The following RINL variants were observed in gnomAD, a reference collection of about 807,000 sequenced individuals.
RINL encodes ras and Rab interactor-like protein.
RINL carries 39 observed loss-of-function variants against 58.1 expected under a neutral mutation model. The ratio of observed to expected loss-of-function variants is 0.67; its 90% CI spans 0.52 to 0.88. The LOEUF (loss-of-function observed/expected upper bound fraction) is 0.88, where lower values mean the gene tolerates loss of function less well. Ranked by LOEUF, RINL falls within the 40% of genes least tolerant of loss-of-function variation. The pLI is 0.00. For missense variants in RINL, 711 were observed against 749.2 expected, an observed-to-expected ratio of 0.95 and a Z score of 0.60; for synonymous variants, 286 against 323.1, an observed-to-expected ratio of 0.89 and a Z score of 1.23.
rs768836706 is a variant in RINL, at chr19:38,869,585, G to A, written c.1462C>T (p.Leu488=). ...GTTGGGGGCTCACCCTCTCCCCGCA[G>A]CTCATCTGGATCTAAGAGCTCCATA... ...FLMELLDPDE[L]RGEAGYYLTT... The change falls in exon 10 of 12, where the codon CTG becomes TTG. Residue 488 remains leucine (L), a synonymous_variant. Coordinates refer to ENST00000591812, the MANE Select transcript of RINL (RefSeq NM_001195833.2). The surrounding 1 kb of genome is among the most constrained non-coding windows in gnomAD (Gnocchi z 5.7). The A allele has an allele frequency of 3.7e-6, 6 of 1,613,846 alleles. No individual in the cohort carries two copies. In the Admixed American group the frequency reaches 1.0e-4, roughly 27 times the overall value.
At position 38,869,485 on chromosome 19, in the gene RINL, G is replaced by C; in HGVS notation, c.1475-75C>G. On this transcript the variant is annotated intron_variant, in intron 10 of 11. Coordinates refer to ENST00000591812, the MANE Select transcript of RINL (RefSeq NM_001195833.2). The surrounding 1 kb of genome is among the most constrained non-coding windows in gnomAD (Gnocchi z 5.7). ...CCCCAAATCCCCCTGCAGTTTGCCT[G>C]CCGTCCCTCCTGCTGCGGGGGGAGG... 6.3e-7 allele frequency: 1 copy of C among 1,584,470 alleles called. No homozygotes were observed. The highest frequency in any genetic ancestry group is 1.1e-5 in the South Asian group (1 of 88,090).
Position 38,876,630 on chromosome 19 carries a change from T to C in RINL, c.50+63A>G, listed in dbSNP as rs575324134. The C allele has an allele frequency of 1.1e-5, 16 of 1,482,414 alleles. No homozygotes were observed. In the South Asian group the frequency reaches 1.9e-4, roughly 18 times the overall value. 91.8% of individuals were successfully genotyped at this position (1,482,414 alleles called of 1,614,324 possible). ...CAGGATTCTGTAGTGAGGGAGGTAT[T>C]GGATGGAAAGGGTTTCTGGATGCAG... On this transcript the variant is annotated intron_variant, in intron 2 of 11. Transcript: ENST00000591812.
chr19:38,868,837 C>T lies in RINL; in HGVS notation c.*267G>A. On this transcript the variant is annotated 3_prime_UTR_variant, in exon 12 of 12. Transcript: ENST00000591812. ...ATACCCACTCTGCTCCTCCCTTCCC[C>T]TCCCCTCCTTCAGGCCTTTCTGCAG... is the stretch of plus-strand genomic sequence containing the variant. 2.5e-6 allele frequency: 1 copy of T among 395,632 alleles called. No homozygotes were observed. Among genetic ancestry groups the T allele is most frequent in the South Asian group, 4.3e-5 (1 of 23,402 alleles). 24.5% of individuals were successfully genotyped at this position (395,632 alleles called of 1,614,324 possible).
rs201437690 is a variant in RINL, at chr19:38,870,969, C to A, written c.625G>T (p.Gly209Trp). Residue 209 changes from glycine (G) to tryptophan (W), a missense_variant, in exon 8 of 12, where the codon GGG becomes TGG. Coordinates refer to ENST00000591812, the MANE Select transcript of RINL (RefSeq NM_001195833.2). The surrounding 1 kb of genome is among the most constrained non-coding windows in gnomAD (Gnocchi z 5.8). Reference protein sequence around the residue: ...DPAPRNPAPHGVSWVKGPLSP... With the variant: ...DPAPRNPAPHWVSWVKGPLSP... ...AGCGGGCCTTTCACCCAGGAGACCCCGTGAGGCGCAGGGTTCCTGGGGGCT... is the reference window on the plus strand; with the variant it reads ...AGCGGGCCTTTCACCCAGGAGACCCAGTGAGGCGCAGGGTTCCTGGGGGCT... The A allele has an allele frequency of 7.8e-5, 125 of 1,603,452 alleles. No homozygotes were observed. The highest frequency in any genetic ancestry group is 1.8e-4 in the Admixed American group (11 of 59,510).
chr19:38,877,466 A>G (rs1470550649), intron 1 of RINL, among the ~76,000 whole-genome samples: 4 of 152,164 alleles, frequency 2.6e-5, no homozygotes, highest in Admixed American at 2.0e-4. Flanking sequence ...AGGTAATAAC[A>G]TCCCCTCTTC....
intron 1 of RINL, among the ~76,000 whole-genome samples, chr19:38,877,906 T>TC (rs886223802): frequency 3.3e-5 from 5 of 152,182 alleles, no homozygotes; most frequent in Admixed American, 1.3e-4. Context: ...GCTCCTCCCC[T>TC]CAGGGCCTTC....
At chr19:38,877,308 A>T (rs1972956009) in intron 1 of RINL, among the ~76,000 whole-genome samples, 1 of 152,146 alleles carries the variant, frequency 6.6e-6, no homozygotes, top group Admixed American at 6.6e-5. Flanking sequence ...GAGGACTCAA[A>T]ACAATAGCTC....
At chr19:38,877,690 A>G (rs1181320120) in intron 1 of RINL, among the ~76,000 whole-genome samples, 1 of 152,168 alleles carries the variant, frequency 6.6e-6, no homozygotes, top group South Asian at 2.1e-4. Flanking sequence ...GCTCCTAACC[A>G]GGTACAGAGT....
At chr19:38,875,945 T>C (rs1175269600) in intron 3 of RINL, among the ~76,000 whole-genome samples, 1 of 152,214 alleles carries the variant, frequency 6.6e-6, no homozygotes, top group Non-Finnish European at 1.5e-5. Context: ...GTGTTTGTTA[T>C]ATTCAGTCCC....
At position 38,876,381 on chromosome 19, in the gene RINL, C is replaced by G. The variant is rs1356827626; in HGVS notation, c.160G>C (p.Glu54Gln). The change falls in exon 3 of 12, where the codon GAG becomes CAG. Residue 54 changes from glutamate (E) to glutamine (Q), a missense_variant. By Grantham distance (29) the Glu-to-Gln change is conservative. Coordinates refer to ENST00000591812, the MANE Select transcript of RINL (RefSeq NM_001195833.2). ...GCCTCCGCATCCTGGGTATCCAGCT[C>G]TGGCACATGCCACACCCCCCATGTC... The part of the protein sequence containing the change: ...QRTWGVWHVP[E>Q]LDTQDAEALV... 1 of 1,536,160 alleles carries G rather than the reference C, an allele frequency of 6.5e-7. No homozygotes were observed. The highest frequency in any genetic ancestry group is 8.7e-7 in the Non-Finnish European group (1 of 1,146,904).
At position 38,869,216 on chromosome 19, in the gene RINL, C is replaced by G. The variant is rs765272065; in HGVS notation, c.1638+31G>C. ...TCAGAAGGGCACCAGGTCTCACCCT[C>G]CCTTCTACTTGCAGCCAGATGGGCA... is the stretch of plus-strand genomic sequence containing the variant. On this transcript the variant is annotated intron_variant, in intron 11 of 11. Transcript: ENST00000591812. The surrounding 1 kb of genome is among the most constrained non-coding windows in gnomAD (Gnocchi z 5.7). The G allele has an allele frequency of 6.2e-7, 1 of 1,614,196 alleles. No individual in the cohort carries two copies. The highest frequency in any genetic ancestry group is 8.5e-7 in the Non-Finnish European group (1 of 1,180,024).
chr19:38,876,695 C>T lies in RINL; in HGVS notation c.48G>A (p.Val16=). The T allele has an allele frequency of 4.6e-6, 7 of 1,536,048 alleles. No individual in the cohort carries two copies. The highest frequency in any genetic ancestry group is 6.1e-6 in the Non-Finnish European group (7 of 1,146,818). Residue 16 remains valine (V), a splice_region_variant and synonymous_variant, in exon 2 of 12, where the codon GTG becomes GTA. Coordinates refer to ENST00000591812, the MANE Select transcript of RINL (RefSeq NM_001195833.2). ...AGCCTCAGCCCTAGTAGCCTCACCT[C>T]ACCCCCTCTGTGGGGACTTCAGGTG... ...DKAPEVPTEG[V]RLVPPQVNKA...
In RINL at chr19:38,873,899, C is replaced by T; in HGVS notation, c.300G>A (p.Gln100=). Residue 100 remains glutamine, a synonymous_variant, in exon 4 of 12, where the codon CAG becomes CAA. Coordinates refer to ENST00000591812, the MANE Select transcript of RINL (RefSeq NM_001195833.2). ...GAGGTGCCTTACCTCTGGGAATCTT[C>T]TGGATCTGGTAGGTATTGACTTCTC... ...LPGEVNTYQI[Q]KIPRGVSLES... is the part of the protein sequence containing the mutation. 1.3e-6 allele frequency: 2 copies of T among 1,533,336 alleles called. No homozygotes were observed. Among genetic ancestry groups the T allele is most frequent in the Non-Finnish European group, 1.7e-6 (2 of 1,144,394 alleles). The allele number at this position is 1,533,336 out of a possible 1,614,324, so 95.0% of individuals were successfully genotyped here. A position where few individuals can be genotyped will look rare whatever the true frequency, so the allele number is the denominator to read the frequency against.
Position 38,869,592 on chromosome 19 carries a change from TG to T in RINL, c.1454del (p.Pro485GlnfsTer12), listed in dbSNP as rs778374676. 1 of 1,613,858 alleles carries T rather than the reference TG, an allele frequency of 6.2e-7. No individual in the cohort carries two copies. Among genetic ancestry groups the T allele is most frequent in the Non-Finnish European group, 8.5e-7 (1 of 1,179,980 alleles). On this transcript the variant is annotated frameshift_variant, in exon 10 of 12. Coordinates refer to ENST00000591812, the MANE Select transcript of RINL (RefSeq NM_001195833.2). LOFTEE classifies it high-confidence loss of function. This position sits in a 1 kb window ranked among gnomAD's most constrained non-coding sequence, Gnocchi z 5.7. ...DVEFLMELLD[P>X]DELRGEAGYY... Reference sequence around the variant, plus strand: ...GCTCACCCTCTCCCCGCAGCTCATCTGGATCTAAGAGCTCCATAAGAAACTC... The same window carrying T: ...GCTCACCCTCTCCCCGCAGCTCATCTGATCTAAGAGCTCCATAAGAAACTC...
At chr19:38,876,593 A>C in intron 2 of RINL, 100 bp downstream of exon 2, 1 of 1,446,588 alleles carries the variant, frequency 6.9e-7, no homozygotes, top group Non-Finnish European at 9.4e-7. Context: ...GCAGAGGCTC[A>C]GAGATGTGAT....
At chr19:38,871,267 A>T in intron 6 of RINL, 40 bp from the exon 7 acceptor site, 1 of 1,612,236 alleles carries the variant, frequency 6.2e-7, no homozygotes. Flanking sequence ...TAGGTATCCA[A>T]GGGACCAACC....
chr19:38,874,856 C>A (rs545067495), intron 3 of RINL, among the ~76,000 whole-genome samples: 2 of 152,120 alleles, frequency 1.3e-5, no homozygotes, highest in Non-Finnish European at 2.9e-5. Context: ...TTGCTACAGC[C>A]GGGCACGGTG....
chr19:38,868,963 TTTG>T lies in RINL; in HGVS notation c.*138_*140del. The T allele has an allele frequency of 1.3e-6, 1 of 774,112 alleles. No individual in the cohort carries two copies. The allele number at this position is 774,112 out of a possible 1,614,324, so 48.0% of individuals were successfully genotyped here. ...AGTACGCCACCACGCCCGGCTAATT[TTTG>T]TTTTTTTTTTTTTTTGGTAGATGGG... On this transcript the variant is annotated 3_prime_UTR_variant, in exon 12 of 12. Coordinates refer to ENST00000591812, the MANE Select transcript of RINL (RefSeq NM_001195833.2).
rs533932628 is a variant in RINL, at chr19:38,871,155, A to T, written c.524T>A (p.Leu175Gln). The change falls in exon 7 of 12, where the codon CTG (leucine) becomes CAG (glutamine). Residue 175 changes from leucine (L) to glutamine (Q), a missense_variant. Leu to Gln is a moderately radical substitution (Grantham distance 113). Coordinates refer to ENST00000591812, the MANE Select transcript of RINL (RefSeq NM_001195833.2). ...CCTCCCCCAGCCTCTGTGGGTCTCC[A>T]GGTAGAGCTGGTTCACAATGGAAAG... The part of the protein sequence containing the change: ...KVLSIVNQLY[L>Q]ETHRGWGREQ... 6.2e-7 allele frequency: 1 copy of T among 1,613,890 alleles called. No homozygotes were observed. Among genetic ancestry groups the T allele is most frequent in the South Asian group, 1.1e-5 (1 of 91,070 alleles).
Sources: allele counts gnomAD v4.1 joint callset (sites outside exome capture counted in the v4.1 genomes callset), GRCh38; gene constraint gnomAD v4.1.1; non-coding constraint Gnocchi (gnomAD v3.1); transcripts MANE v1.5; gene names NCBI Gene and HGNC (gene_info 2026-07-23, HGNC 2026-07-21).